Variants in CTNNA3 observed in about 807,000 individuals in gnomAD.
CTNNA3 encodes catenin alpha 3, also known as catenin alpha-3.
In CTNNA3, 76 loss-of-function variants were observed where a neutral mutation model predicts 95.7. The ratio of observed to expected loss-of-function variants is 0.79; its 90% confidence interval spans 0.66 to 0.96. CTNNA3 has a LOEUF of 0.96. Ranked by LOEUF, CTNNA3 falls within the 40% of genes least tolerant of loss-of-function variation. CTNNA3 has a pLI of 0.00. For synonymous variants in CTNNA3, 431 were observed against 374.4 expected (o/e 1.15, Z -1.74); for missense variants, 1,191 against 1,089.8 (o/e 1.09, Z -1.31).
intron 11 of CTNNA3, among the ~76,000 whole-genome samples, chr10:66,444,364 CAT>C (rs2093401123): frequency 6.6e-6 from 1 of 151,976 alleles, no homozygotes; most frequent in African/African-American, 2.4e-5. Flanking sequence ...CTCCAAGACA[CAT>C]AATTGTCAGA....
intron 1 of CTNNA3, among the ~76,000 whole-genome samples, chr10:67,722,173 A>G (rs1841183076): frequency 6.6e-6 from 1 of 152,220 alleles, no homozygotes; most frequent in African/African-American, 2.4e-5. Flanking sequence ...TGCAAACACT[A>G]AGAACCAAAT....
At chr10:67,384,486 G>A (rs1844068641) in intron 5 of CTNNA3, among the ~76,000 whole-genome samples, 1 of 152,130 alleles carries the variant, frequency 6.6e-6, no homozygotes, top group African/African-American at 2.4e-5. Flanking sequence ...AGGAATAAAA[G>A]AAAAGGTACT....
chr10:66,276,179 C>T (rs1012856004), intron 13 of CTNNA3, among the ~76,000 whole-genome samples: 4 of 152,050 alleles, frequency 2.6e-5, no homozygotes, highest in African/African-American at 9.7e-5. Flanking sequence ...AAAACTGACA[C>T]AGAAAATGCA....
chr10:66,361,359 T>TTTCC (rs2092673459), intron 12 of CTNNA3, among the ~76,000 whole-genome samples: 1 of 115,848 alleles, frequency 8.6e-6, no homozygotes, highest in Non-Finnish European at 1.9e-5. Context: ...TCTTTCTTTC[T>TTTCC]TTCCTTTTCT....
intron 3 of CTNNA3, among the ~76,000 whole-genome samples, chr10:67,589,182 G>T (rs1328541426): frequency 1.3e-5 from 2 of 151,966 alleles, no homozygotes; most frequent in Non-Finnish European, 2.9e-5. Context: ...AAAGAACTTT[G>T]GAAACACTAT....
intron 14 of CTNNA3, among the ~76,000 whole-genome samples, chr10:66,092,743 C>T (rs7897342): frequency 6.6e-6 from 1 of 151,356 alleles, no homozygotes; most frequent in Non-Finnish European, 1.5e-5. Flanking sequence ...TGAATACCAA[C>T]GTTCTACTCT....
At chr10:67,683,788 G>A (rs1216299998) in intron 1 of CTNNA3, among the ~76,000 whole-genome samples, 3 of 152,086 alleles carry the variant, frequency 2.0e-5, no homozygotes, top group Non-Finnish European at 2.9e-5. Flanking sequence ...TCTTCCTTCC[G>A]GTGGGTTCAC....
chr10:66,509,205 C>A (rs1340999978), intron 11 of CTNNA3, among the ~76,000 whole-genome samples: 2 of 151,878 alleles, frequency 1.3e-5, no homozygotes, highest in Non-Finnish European at 2.9e-5. Context: ...GAAACGATGT[C>A]CAGATAAATC....
At chr10:67,658,297 T>C (rs1453024940) in intron 1 of CTNNA3, among the ~76,000 whole-genome samples, 1 of 152,164 alleles carries the variant, frequency 6.6e-6, no homozygotes, top group Non-Finnish European at 1.5e-5. Context: ...AAAATCTATA[T>C]AAAATCCATT....
intron 1 of CTNNA3, among the ~76,000 whole-genome samples, chr10:67,726,496 TATATA>T (rs1337434049): frequency 5.6e-5 from 4 of 71,764 alleles, no homozygotes; most frequent in Non-Finnish European, 6.9e-5. Context: ...TCATATACAA[TATATA>T]ATATATTATA....
At chr10:65,983,224 A>T (rs2078360651) in intron 16 of CTNNA3, among the ~76,000 whole-genome samples, 1 of 151,626 alleles carries the variant, frequency 6.6e-6, no homozygotes, top group Non-Finnish European at 1.5e-5. Flanking sequence ...GCTTTGGCAA[A>T]ATTACAAGGA....
intron 7 of CTNNA3, chr10:67,097,792 C>G (rs151289715): frequency 6.2e-7 from 1 of 1,612,048 alleles, no homozygotes; most frequent in African/African-American, 1.3e-5. Context: ...CAGCAGCTAG[C>G]TTAACTGAGA....
chr10:66,717,740 C>T (rs575188586), intron 9 of CTNNA3, among the ~76,000 whole-genome samples: 25 of 152,226 alleles, frequency 1.6e-4, no homozygotes, highest in Non-Finnish European at 3.2e-4. Flanking sequence ...TCTCTCACAG[C>T]GACTTTGATA....
At chr10:67,218,112 A>C (rs1166580341) in intron 6 of CTNNA3, among the ~76,000 whole-genome samples, 1 of 152,154 alleles carries the variant, frequency 6.6e-6, no homozygotes, top group Non-Finnish European at 1.5e-5. Flanking sequence ...AAATCCAAAA[A>C]ATTCCAAAAT....
At chr10:66,842,727 TA>T (rs1465782176) in intron 7 of CTNNA3, among the ~76,000 whole-genome samples, 1 of 152,170 alleles carries the variant, frequency 6.6e-6, no homozygotes, top group Non-Finnish European at 1.5e-5. Flanking sequence ...TTTTGCATTA[TA>T]GCTAAGGGCA....
intron 13 of CTNNA3, among the ~76,000 whole-genome samples, chr10:66,149,238 ATATT>A (rs201332341): frequency 0.048 from 7,044 of 148,228 alleles, 204 homozygotes; most frequent in African/African-American, 0.067. Context: ...ATATAACTCT[ATATT>A]TATAGTTAAC....
chr10:67,485,629 T>G (rs112502965), intron 5 of CTNNA3, among the ~76,000 whole-genome samples: 1 of 152,202 alleles, frequency 6.6e-6, no homozygotes, highest in Non-Finnish European at 1.5e-5. Context: ...CCAGTGATGA[T>G]AGAAATTAAA....
At chr10:66,620,068 T>C (rs950061492) in intron 10 of CTNNA3, among the ~76,000 whole-genome samples, 3 of 152,054 alleles carry the variant, frequency 2.0e-5, no homozygotes, top group African/African-American at 7.2e-5. Context: ...TCAGAGGGAA[T>C]AAATATCTGT....
chr10:66,963,106 A>G (rs1287452431), intron 7 of CTNNA3, among the ~76,000 whole-genome samples: 2 of 152,144 alleles, frequency 1.3e-5, no homozygotes, highest in Admixed American at 1.3e-4. Context: ...ATTAACCAAA[A>G]TTATTTTAAA....
Sources: allele counts gnomAD v4.1 joint callset (sites outside exome capture counted in the v4.1 genomes callset), GRCh38; gene constraint gnomAD v4.1.1; transcripts MANE v1.5; gene names NCBI Gene and HGNC (gene_info 2026-07-23, HGNC 2026-07-21).